Variants in PCDHGA6 observed in about 807,000 individuals in gnomAD.
PCDHGA6 encodes protocadherin gamma subfamily A, 6.
Under a neutral mutation model 60.6 loss-of-function variants are expected in PCDHGA6, and 41 were observed. The ratio of observed to expected loss-of-function variants is 0.68; its 90% confidence interval spans 0.53 to 0.88. PCDHGA6 has a LOEUF of 0.88. PCDHGA6 is among the 40% of genes least tolerant of loss of function. The pLI is 0.00. For synonymous variants in PCDHGA6, 594 were observed against 524.4 expected (o/e 1.13, Z -1.81); for missense variants, 1,312 against 1,203.0 (o/e 1.09, Z -1.34).
At chr5:141,415,746 T>G (rs766611858) in intron 1 of PCDHGA6, 17 of 662,556 alleles carry the variant, frequency 2.6e-5, no homozygotes, top group East Asian at 1.1e-4. Context: ...TAAGGTTTTT[T>G]TTTTTTTTTT....
At chr5:141,394,637 G>C (rs201732776) in intron 1 of PCDHGA6, 4 of 1,613,464 alleles carry the variant, frequency 2.5e-6, no homozygotes, top group African/African-American at 1.3e-5. Flanking sequence ...CCTACCGCCT[G>C]CTCAAGGCCA....
At chr5:141,428,018 C>A in intron 1 of PCDHGA6, 12 of 1,604,570 alleles carry the variant, frequency 7.5e-6, no homozygotes, top group Middle Eastern at 1.7e-4. Context: ...TAGTGCCACG[C>A]GCCGCAGAGT....
At chr5:141,415,285 G>A (rs1561755891) in intron 1 of PCDHGA6, 3 of 1,614,216 alleles carry the variant, frequency 1.9e-6, no homozygotes, top group Non-Finnish European at 2.5e-6. Context: ...GGTGGCCGCG[G>A]TCTCCTGCGT....
intron 1 of PCDHGA6, among the ~76,000 whole-genome samples, chr5:141,459,937 G>A (rs904431112): frequency 6.6e-6 from 1 of 152,132 alleles, no homozygotes; most frequent in Non-Finnish European, 1.5e-5. Flanking sequence ...TTGTAGCTGG[G>A]CGTGATGGCA....
intron 1 of PCDHGA6, chr5:141,426,887 G>C (rs1309180455): frequency 6.6e-6 from 3 of 456,646 alleles, no homozygotes; most frequent in South Asian, 4.6e-5. Context: ...TGGGCCAGGA[G>C]CAACAGAGCT....
chr5:141,400,302 T>C (rs7701363), intron 1 of PCDHGA6: 17,655 of 1,614,082 alleles, frequency 0.011, 144 homozygotes, highest in Admixed American at 0.034. Flanking sequence ...GCTTCCAACC[T>C]GGTCTCTGTG....
Position 141,511,015 on chromosome 5 carries a change from C to A in PCDHGA6, c.2641C>A (p.Pro881Thr). Residue 881 changes from proline (P) to threonine (T), a missense_variant, in exon 4 of 4, where the codon CCC becomes ACC. Coordinates refer to ENST00000517434, the MANE Select transcript of PCDHGA6 (RefSeq NM_018919.3). ...GTMGLSARYG[P>T]QFTLQHVPDY... ...CATGGGATTGAGCGCCCGCTACGGA[C>A]CCCAGTTCACCCTGCAGCACGTGCC... 6.2e-7 allele frequency: 1 copy of A among 1,614,224 alleles called. No individual in the cohort carries two copies. The highest frequency in any genetic ancestry group is 8.5e-7 in the Non-Finnish European group (1 of 1,180,038).
chr5:141,394,174 A>T, intron 1 of PCDHGA6: 1 of 1,613,824 alleles, frequency 6.2e-7, no homozygotes, highest in Non-Finnish European at 8.5e-7. Flanking sequence ...ACTTTCCCTC[A>T]TGCCTCCTAC....
At chr5:141,400,052 T>C in intron 1 of PCDHGA6, 1 of 1,613,686 alleles carries the variant, frequency 6.2e-7, no homozygotes, top group Non-Finnish European at 8.5e-7. Context: ...CTGGTTGCTG[T>C]GCGTGATGGT....
chr5:141,412,902 T>G, intron 1 of PCDHGA6: 1 of 371,284 alleles, frequency 2.7e-6, no homozygotes, highest in East Asian at 4.2e-5. Flanking sequence ...TACTTTCCAT[T>G]GCATGTATCA....
chr5:141,419,274 C>T lies in PCDHGA6; in HGVS notation c.2424+42767C>T, dbSNP rs755798236. 17 of 1,613,900 alleles carry T rather than the reference C, an allele frequency of 1.1e-5. No homozygotes were observed. Among genetic ancestry groups the T allele is most frequent in the African/African-American group, 1.3e-5 (1 of 74,948 alleles). ...AACAACCAGCCGGGTGCCTCCATAG[C>T]GCAAGTCAGTGCCTCTGACCCAGAC... is the stretch of plus-strand genomic sequence containing the variant. On this transcript the variant is annotated intron_variant, in intron 1 of 3. Transcript: ENST00000517434.
chr5:141,380,009 C>T lies in PCDHGA6; in HGVS notation c.2424+3502C>T, dbSNP rs529470373. Among the ~76,000 whole-genome samples the T allele has an allele frequency of 3.4e-5, 5 of 149,132 alleles. No individual in the cohort carries two copies. The South Asian group carries it at 8.7e-4, about 26-fold the overall frequency. ...CCTCCTCCTGGGTTCAAGCGATTCT[C>T]CTGCCTCAGCCTCCCAAGTAGCTGG... On this transcript the variant is annotated intron_variant, in intron 1 of 3. Transcript: ENST00000517434.
At position 141,476,753 on chromosome 5, in the gene PCDHGA6, G is replaced by C; in HGVS notation, c.2425-18054G>C. On this transcript the variant is annotated intron_variant, in intron 1 of 3. Coordinates refer to ENST00000517434, the MANE Select transcript of PCDHGA6 (RefSeq NM_018919.3). This position sits in a 1 kb window ranked among gnomAD's most constrained non-coding sequence, Gnocchi z 7.6. Reference sequence around the variant, plus strand: ...AGAACGGGAGCCTAGTCTCCAGTTAGTGCTGACGGCGTTGGACGGAGGGAC... The same window carrying C: ...AGAACGGGAGCCTAGTCTCCAGTTACTGCTGACGGCGTTGGACGGAGGGAC... 3.1e-6 allele frequency: 5 copies of C among 1,614,012 alleles called. No individual in the cohort carries two copies. The highest frequency in any genetic ancestry group is 4.2e-6 in the Non-Finnish European group (5 of 1,180,030).
chr5:141,380,608 T>C (rs1014267122), intron 1 of PCDHGA6, among the ~76,000 whole-genome samples: 2 of 152,244 alleles, frequency 1.3e-5, no homozygotes. Flanking sequence ...TATTTAATTT[T>C]ATGATGTTCG....
intron 1 of PCDHGA6, chr5:141,421,232 C>T (rs748347420): frequency 2.5e-6 from 4 of 1,590,252 alleles, no homozygotes; most frequent in African/African-American, 2.7e-5. Flanking sequence ...CCTGCCATGG[C>T]GAATCGGCTA....
chr5:141,432,061 G>T lies in PCDHGA6; in HGVS notation c.2424+55554G>T. On this transcript the variant is annotated intron_variant, in intron 1 of 3. Coordinates refer to ENST00000517434, the MANE Select transcript of PCDHGA6 (RefSeq NM_018919.3). The surrounding 1 kb of genome is among the most constrained non-coding windows in gnomAD (Gnocchi z 6.0). ...ACCGGGGAACCCCGCCCCTATCCAC[G>T]GAAACTCATATCTCGCTGAACGTGG... 1.9e-6 allele frequency: 3 copies of T among 1,614,130 alleles called. No homozygotes were observed. The highest frequency in any genetic ancestry group is 2.5e-6 in the Non-Finnish European group (3 of 1,180,034).
chr5:141,397,223 T>G (rs144227558), intron 1 of PCDHGA6, among the ~76,000 whole-genome samples: 2 of 152,186 alleles, frequency 1.3e-5, no homozygotes, highest in Admixed American at 6.5e-5. Context: ...TATTTTGAGA[T>G]ATGAAGAAGA....
rs199698737 is a variant in PCDHGA6, at chr5:141,438,639, C to T, written c.2425-56168C>T. On this transcript the variant is annotated intron_variant, in intron 1 of 3. Transcript: ENST00000517434. ...ATATATATATATATATATATATACA[C>T]ACACACACACACATATATGTATATA... 7.1e-3 allele frequency among the ~76,000 whole-genome samples: 359 copies of T among 50,816 alleles called. 1 individual carries two copies. Among genetic ancestry groups the T allele is most frequent in the South Asian group, 0.017 (27 of 1,588 alleles). The allele number at this position is 50,816 out of a possible 152,430, so 33.3% of individuals were successfully genotyped here.
chr5:141,510,529 A>G (rs2099881539), intron 3 of PCDHGA6, among the ~76,000 whole-genome samples: 2 of 152,242 alleles, frequency 1.3e-5, no homozygotes, highest in Admixed American at 6.5e-5. Flanking sequence ...CCCTGAGAGA[A>G]ATACCAGCGA....
Sources: gnomAD v4.1 joint callset for allele counts (sites outside exome capture counted in the v4.1 genomes callset) on GRCh38, gnomAD v4.1.1 for gene constraint, Gnocchi (gnomAD v3.1) non-coding constraint, MANE v1.5 for transcripts, NCBI Gene and HGNC (gene_info 2026-07-23, HGNC 2026-07-21) for gene names.